NHSL2: variants seen among roughly 807,000 people sequenced by gnomAD.
NHSL2 encodes the protein NHS like 2, also known as NHS-like protein 2.
NHSL2 carries 27 observed loss-of-function variants against 53.4 expected under a neutral mutation model. The ratio of observed to expected loss-of-function variants is 0.51; its 90% CI spans 0.37 to 0.70. NHSL2 has a LOEUF of 0.70. NHSL2 is among the 30% of genes least tolerant of loss of function. NHSL2 has a pLI of 0.00. For missense variants in NHSL2, 892 were observed against 980.1 expected (o/e 0.91, Z 1.20); for synonymous variants, 408 against 404.1 (o/e 1.01, Z -0.12).
chrX:72,064,781 C>T (rs1172436016), intron 1 of NHSL2, among the ~76,000 whole-genome samples: 1 of 112,633 alleles, frequency 8.9e-6, no homozygotes, highest in Non-Finnish European at 1.9e-5. Flanking sequence ...GGGGGACCAG[C>T]CAAATGGTGA....
At position 72,081,307 on chromosome X, in the gene NHSL2, A is replaced by G. The variant is rs187483473; in HGVS notation, c.281-50772A>G. Among the ~76,000 whole-genome samples the G allele has an allele frequency of 8.4e-4, 94 of 112,523 alleles. 4 individuals carry two copies. In the East Asian group the frequency reaches 0.011, roughly 13 times the overall value. Reference sequence around the variant, plus strand: ...GGAGGCAAAGCTGAGGTCTGTAGACAAGGAGGAACTTTCCAACAGACCCTC... The same window carrying G: ...GGAGGCAAAGCTGAGGTCTGTAGACGAGGAGGAACTTTCCAACAGACCCTC... On this transcript the variant is annotated intron_variant, in intron 1 of 7. Coordinates refer to ENST00000633930, the MANE Select transcript of NHSL2 (RefSeq NM_001013627.3).
At chrX:72,023,552 C>A (rs1170908088) in intron 1 of NHSL2, among the ~76,000 whole-genome samples, 1 of 112,098 alleles carries the variant, frequency 8.9e-6, no homozygotes, top group Non-Finnish European at 1.9e-5. Context: ...GCTTTCTAGC[C>A]CTCAAATTCC....
At position 72,130,193 on chromosome X, in the gene NHSL2, C is replaced by T. The variant is rs1305483691; in HGVS notation, c.281-1886C>T. On this transcript the variant is annotated intron_variant, in intron 1 of 7. Transcript: ENST00000633930. ...TCATCCAGTGGCTCCTCCTCCACCT[C>T]ACCATAGGTCTCCTCAGTCCCTGGA... The T allele has an allele frequency of 2.5e-6, 3 of 1,210,853 alleles. No individual in the cohort carries two copies. The South Asian group carries it at 5.3e-5, about 21-fold the overall frequency.
At chrX:72,066,758 G>A (rs1310323930) in intron 1 of NHSL2, among the ~76,000 whole-genome samples, 1 of 112,000 alleles carries the variant, frequency 8.9e-6, no homozygotes, top group Non-Finnish European at 1.9e-5. Context: ...GCCTGTTTAA[G>A]TATCTGTGGA....
chrX:72,135,977 A>C (rs1184646726), intron 4 of NHSL2, among the ~76,000 whole-genome samples: 1 of 110,537 alleles, frequency 9.0e-6, no homozygotes, highest in Non-Finnish European at 1.9e-5. Context: ...CAGAGATTGC[A>C]GTGAGCCGAG....
At chrX:72,131,632 G>T (rs1032599772) in intron 1 of NHSL2, 4 of 916,466 alleles carry the variant, frequency 4.4e-6, no homozygotes, top group Non-Finnish European at 5.9e-6. Context: ...CGGCGGCGGG[G>T]CTCGGGAGGG....
At chrX:72,113,509 C>CCAG in intron 1 of NHSL2, among the ~76,000 whole-genome samples, 1 of 112,009 alleles carries the variant, frequency 8.9e-6, no homozygotes, top group South Asian at 3.7e-4. Context: ...CAGAGATGAT[C>CCAG]CAGTGGGAGC....
rs764861309 is a variant in NHSL2 at position 71,956,150 on chromosome X, G to A, written c.280+44783G>A. Among the ~76,000 whole-genome samples the A allele has an allele frequency of 8.9e-5, 10 of 111,901 alleles. No homozygotes were observed. The East Asian group carries it at 2.5e-3, about 28-fold the overall frequency. On this transcript the variant is annotated intron_variant, in intron 1 of 7. Coordinates refer to ENST00000633930, the MANE Select transcript of NHSL2 (RefSeq NM_001013627.3). ...TCAACATTTGGGTTCTCCCCACCCCGCTCTTCTTTTACATTATTGAGGTAA... is the reference window on the plus strand; with the variant it reads ...TCAACATTTGGGTTCTCCCCACCCCACTCTTCTTTTACATTATTGAGGTAA...
chrX:72,112,337 T>G (rs2042099989), intron 1 of NHSL2, among the ~76,000 whole-genome samples: 1 of 111,773 alleles, frequency 8.9e-6, no homozygotes, highest in African/African-American at 3.3e-5. Context: ...TACTAATAGC[T>G]TTCTTGAGAT....
At chrX:72,086,886 G>A (rs557848507) in intron 1 of NHSL2, among the ~76,000 whole-genome samples, 20 of 111,170 alleles carry the variant, frequency 1.8e-4, no homozygotes, top group African/African-American at 5.9e-4. Context: ...GTTAAACATA[G>A]AATTACCATA....
At chrX:71,921,769 A>G (rs2041660508) in intron 1 of NHSL2, among the ~76,000 whole-genome samples, 1 of 111,985 alleles carries the variant, frequency 8.9e-6, no homozygotes, top group Non-Finnish European at 1.9e-5. Flanking sequence ...CGTAATATTT[A>G]GTGTTCTGAA....
At chrX:72,025,103 C>T (rs2042178747) in intron 1 of NHSL2, among the ~76,000 whole-genome samples, 1 of 112,002 alleles carries the variant, frequency 8.9e-6, no homozygotes, top group African/African-American at 3.3e-5. Flanking sequence ...TATTTGAGGT[C>T]ATGGATATAC....
chrX:71,925,753 A>G (rs2041681651), intron 1 of NHSL2, among the ~76,000 whole-genome samples: 1 of 112,309 alleles, frequency 8.9e-6, no homozygotes, highest in Non-Finnish European at 1.9e-5. Context: ...CAATGATTGC[A>G]TGAAATAGTT....
chrX:71,966,201 GTTTA>G (rs2041900350), intron 1 of NHSL2: 1 of 112,489 alleles, frequency 8.9e-6, no homozygotes, highest in South Asian at 3.6e-4. Context: ...AGTTCTAGGA[GTTTA>G]TTTATTGATT....
intron 1 of NHSL2, among the ~76,000 whole-genome samples, chrX:72,062,080 T>C (rs1017832768): frequency 1.8e-5 from 2 of 112,438 alleles, no homozygotes; most frequent in African/African-American, 6.5e-5. Flanking sequence ...CCTAATATAA[T>C]AGGCTCAATA....
chrX:71,948,349 A>G (rs1210166416), intron 1 of NHSL2, among the ~76,000 whole-genome samples: 1 of 111,442 alleles, frequency 9.0e-6, no homozygotes, highest in Non-Finnish European at 1.9e-5. Flanking sequence ...AATGACACCT[A>G]TATCCCAGGG....
At chrX:72,137,935 G>T (rs1434773102) in intron 5 of NHSL2, among the ~76,000 whole-genome samples, 1 of 111,723 alleles carries the variant, frequency 9.0e-6, no homozygotes, top group Non-Finnish European at 1.9e-5. Flanking sequence ...CACATCCGTA[G>T]ATTATCCTCA....
intron 1 of NHSL2, among the ~76,000 whole-genome samples, chrX:72,095,065 T>A (rs745328727): frequency 3.6e-5 from 4 of 112,133 alleles, no homozygotes; most frequent in Non-Finnish European, 5.6e-5. Context: ...CAGGAAGGGC[T>A]GTCTCTCAGT....
intron 1 of NHSL2, among the ~76,000 whole-genome samples, chrX:71,949,048 G>A (rs1047852133): frequency 5.8e-4 from 63 of 109,251 alleles, no homozygotes; most frequent in African/African-American, 2.0e-3. Context: ...ATGAGCCACC[G>A]TGCCCGGCCG....
Sources: allele counts gnomAD v4.1 joint callset (sites outside exome capture counted in the v4.1 genomes callset), GRCh38; gene constraint gnomAD v4.1.1; transcripts MANE v1.5; gene names NCBI Gene and HGNC (gene_info 2026-07-23, HGNC 2026-07-21).